Variants in KCTD3 observed in about 807,000 individuals in gnomAD.
The protein encoded by KCTD3 is potassium channel tetramerization domain containing 3.
Under a neutral mutation model 85.8 loss-of-function variants are expected in KCTD3, and 41 were observed. That is an observed-to-expected ratio of 0.48 (90% confidence interval 0.37 to 0.62). KCTD3 has a LOEUF of 0.62. KCTD3 is among the 20% of genes least tolerant of loss of function. The probability of loss-of-function intolerance (pLI) is 0.00; values close to 1 mark genes in which losing one functional copy is unlikely to be tolerated. For missense variants in KCTD3, 724 were observed against 989.9 expected (o/e 0.73, Z 3.60); for synonymous variants, 338 against 345.4 (o/e 0.98, Z 0.24).
At chr1:215,598,115 G>A (rs1395495771) in intron 10 of KCTD3, among the ~76,000 whole-genome samples, 1 of 151,940 alleles carries the variant, frequency 6.6e-6, no homozygotes, top group Non-Finnish European at 1.5e-5. Context: ...ACATACCAAA[G>A]TAAAGGCTCT....
At position 215,586,476 on chromosome 1, in the gene KCTD3, G is replaced by A; in HGVS notation, c.627-19G>A. The stretch of plus-strand genomic sequence containing the variant: ...CATTGCTGCTGAGTCTACCTTATGT[G>A]CCTGTTCTTCCTTAACAGAATCAAA... On this transcript the variant is annotated intron_variant, in intron 8 of 17. Coordinates refer to ENST00000259154, the MANE Select transcript of KCTD3 (RefSeq NM_016121.5). 4.4e-6 allele frequency: 7 copies of A among 1,594,242 alleles called. No individual in the cohort carries two copies. The highest frequency in any genetic ancestry group is 3.3e-4 in the Middle Eastern group (2 of 5,996).
chr1:215,581,138 C>T (rs1028330635), intron 8 of KCTD3: 4 of 275,234 alleles, frequency 1.5e-5, no homozygotes, highest in African/African-American at 4.6e-5. Context: ...CCCAGCTACT[C>T]GGGAGGCTGA....
chr1:215,575,858 A>G (rs754758333), intron 3 of KCTD3, 43 bp from the exon 4 acceptor site: 14 of 1,102,930 alleles, frequency 1.3e-5, no homozygotes, highest in Non-Finnish European at 1.5e-5. Flanking sequence ...AAGTTAAAAG[A>G]TTAATTTGTA....
intron 1 of KCTD3, among the ~76,000 whole-genome samples, chr1:215,570,919 G>T (rs139552144): frequency 1.2e-3 from 183 of 152,274 alleles, no homozygotes; most frequent in African/African-American, 4.2e-3. Flanking sequence ...AATTTTAAGT[G>T]TGTTAGTTTT....
In KCTD3 at chr1:215,567,494, C is replaced by T. The variant is rs1023454197; in HGVS notation, c.-192C>T. 7.1e-6 allele frequency: 2 copies of T among 283,100 alleles called. No homozygotes were observed. The highest frequency in any genetic ancestry group is 1.7e-4 in the South Asian group (1 of 5,992). 17.5% of individuals were successfully genotyped at this position (283,100 alleles called of 1,614,324 possible). Reference sequence around the variant, plus strand: ...GCCCTTGTGCACCGCAGGATTGACCCGGGAAGGGGCAGAAGCTAGCGAGCC... The same window carrying T: ...GCCCTTGTGCACCGCAGGATTGACCTGGGAAGGGGCAGAAGCTAGCGAGCC... On this transcript the variant is annotated 5_prime_UTR_variant, in exon 1 of 18. Transcript: ENST00000259154.
intron 15 of KCTD3, among the ~76,000 whole-genome samples, chr1:215,616,157 CTT>C (rs1381042587): frequency 6.6e-6 from 1 of 152,122 alleles, no homozygotes; most frequent in Non-Finnish European, 1.5e-5. Flanking sequence ...CAGAGAGAAA[CTT>C]TGCTTCTGAG....
At chr1:215,587,859 C>A (rs772940568) in intron 9 of KCTD3, among the ~76,000 whole-genome samples, 7 of 152,134 alleles carry the variant, frequency 4.6e-5, no homozygotes, top group African/African-American at 1.7e-4. Context: ...TTTTATCATA[C>A]ATGCTTTTAT....
In KCTD3 at chr1:215,602,210, A is replaced by G. The variant is rs773642109; in HGVS notation, c.1138+9A>G. ...CCTCACACCCAAAACAAGTTAGTACATGGCCAATTATATACATTCTTGACT... is the reference window on the plus strand; with the variant it reads ...CCTCACACCCAAAACAAGTTAGTACGTGGCCAATTATATACATTCTTGACT... On this transcript the variant is annotated intron_variant, in intron 12 of 17. Transcript: ENST00000259154. 7.8e-7 allele frequency: 1 copy of G among 1,287,820 alleles called. No homozygotes were observed. Among genetic ancestry groups the G allele is most frequent in the Non-Finnish European group, 1.1e-6 (1 of 898,680 alleles). The allele number at this position is 1,287,820 out of a possible 1,614,324, so 79.8% of individuals were successfully genotyped here.
chr1:215,583,615 T>G (rs1476058546), intron 8 of KCTD3, among the ~76,000 whole-genome samples: 1 of 152,150 alleles, frequency 6.6e-6, no homozygotes, highest in East Asian at 1.9e-4. Context: ...GGTCTCAGCC[T>G]TATTTTACTC....
rs570545531 is a variant in KCTD3, at chr1:215,575,998, G to A, written c.257+24G>A. The A allele has an allele frequency of 7.0e-6, 8 of 1,149,544 alleles. No homozygotes were observed. In the African/African-American group the frequency reaches 8.0e-5, roughly 11 times the overall value. The allele number at this position is 1,149,544 out of a possible 1,614,324, so 71.2% of individuals were successfully genotyped here. ...AGGTAAGAAATGCACTCTTTTTAAAGTAAATTCTTACTGATAAATATGTGT... is the reference window on the plus strand; with the variant it reads ...AGGTAAGAAATGCACTCTTTTTAAAATAAATTCTTACTGATAAATATGTGT... On this transcript the variant is annotated intron_variant, in intron 4 of 17. Coordinates refer to ENST00000259154, the MANE Select transcript of KCTD3 (RefSeq NM_016121.5).
At chr1:215,590,613 C>G (rs1182917974) in intron 9 of KCTD3, among the ~76,000 whole-genome samples, 1 of 152,114 alleles carries the variant, frequency 6.6e-6, no homozygotes, top group Non-Finnish European at 1.5e-5. Flanking sequence ...CTACAGTATT[C>G]AATCTGCAGT....
At chr1:215,591,926 G>A (rs1376042923) in intron 9 of KCTD3, among the ~76,000 whole-genome samples, 1 of 152,162 alleles carries the variant, frequency 6.6e-6, no homozygotes, top group Non-Finnish European at 1.5e-5. Flanking sequence ...AGGTTTAATT[G>A]GACTTACAGT....
chr1:215,568,485 G>GCCCCCCCCCCC (rs869089767), intron 1 of KCTD3, among the ~76,000 whole-genome samples: 1 of 2,798 alleles, frequency 3.6e-4, no homozygotes, highest in Non-Finnish European at 9.1e-4. Context: ...CTGGCCTTCC[G>GCCCCCCCCCCC]CCCCCCCCCC....
intron 10 of KCTD3, among the ~76,000 whole-genome samples, chr1:215,600,288 T>G (rs183403195): frequency 6.6e-6 from 1 of 152,316 alleles, no homozygotes; most frequent in East Asian, 1.9e-4. Flanking sequence ...CTTAGAGGAA[T>G]GATTATTTCC....
chr1:215,592,604 G>T (rs1660266659), intron 9 of KCTD3, among the ~76,000 whole-genome samples: 1 of 152,066 alleles, frequency 6.6e-6, no homozygotes, highest in South Asian at 2.1e-4. Flanking sequence ...TTTATTACTT[G>T]CTTGGTGTTC....
intron 9 of KCTD3, among the ~76,000 whole-genome samples, chr1:215,591,688 C>T (rs1660230934): frequency 6.6e-6 from 1 of 152,146 alleles, no homozygotes; most frequent in South Asian, 2.1e-4. Flanking sequence ...TCTTGCCCTG[C>T]CCAGGTGCAG....
At chr1:215,579,203 G>C in intron 7 of KCTD3, 66 bp downstream of exon 7, 1 of 1,370,376 alleles carries the variant, frequency 7.3e-7, no homozygotes, top group South Asian at 1.3e-5. Context: ...GTGATATTGA[G>C]TAATTACTTT....
intron 10 of KCTD3, among the ~76,000 whole-genome samples, chr1:215,599,632 C>T (rs1043584474): frequency 1.3e-5 from 2 of 152,086 alleles, no homozygotes; most frequent in Non-Finnish European, 2.9e-5. Flanking sequence ...AAGAGGAGGC[C>T]ACACAGTGGC....
At chr1:215,608,537 A>G (rs1655116778) in intron 14 of KCTD3, among the ~76,000 whole-genome samples, 1 of 152,102 alleles carries the variant, frequency 6.6e-6, no homozygotes, top group Admixed American at 6.6e-5. Flanking sequence ...TGAAGCTAGA[A>G]AAACGTTGGT....
Sources: allele counts gnomAD v4.1 joint callset (sites outside exome capture counted in the v4.1 genomes callset), GRCh38; gene constraint gnomAD v4.1.1; transcripts MANE v1.5; gene names NCBI Gene and HGNC (gene_info 2026-07-23, HGNC 2026-07-21).